Variants in FRMD5 observed in about 807,000 individuals in gnomAD.
FRMD5 encodes the protein FERM domain containing 5.
FRMD5 carries 20 observed loss-of-function variants against 69.0 expected under a neutral mutation model. That is an observed-to-expected ratio of 0.29 (90% CI 0.20 to 0.42). The LOEUF (loss-of-function observed/expected upper bound fraction) is 0.42. Among genes scored for constraint, FRMD5 ranks in the 10% least tolerant of loss-of-function variants. The pLI, the probability that FRMD5 is intolerant of heterozygous loss-of-function variation, is 1.00. For missense variants in FRMD5, 595 were observed against 708.6 expected (o/e 0.84, Z 1.82); for synonymous variants, 271 against 260.1 (o/e 1.04, Z -0.40).
intron 1 of FRMD5, among the ~76,000 whole-genome samples, chr15:43,981,246 C>A (rs1156840230): frequency 1.3e-5 from 2 of 152,302 alleles, no homozygotes; most frequent in East Asian, 1.9e-4. Context: ...AGGCGTGAAC[C>A]ACCTCACCTT....
intron 1 of FRMD5, among the ~76,000 whole-genome samples, chr15:44,131,404 AT>A (rs201826668): frequency 6.8e-6 from 1 of 146,720 alleles, no homozygotes; most frequent in Non-Finnish European, 1.5e-5. Context: ...TAAAAAAAAA[AT>A]CAAAATATAA....
At chr15:43,982,788 T>C (rs544370654) in intron 1 of FRMD5, among the ~76,000 whole-genome samples, 1 of 152,198 alleles carries the variant, frequency 6.6e-6, no homozygotes, top group Non-Finnish European at 1.5e-5. Flanking sequence ...AGACCTCTGA[T>C]ATGGTTTCCA....
Position 43,873,837 on chromosome 15 carries a change from C to G in FRMD5, c.*48G>C, listed in dbSNP as rs150478495. The G allele has an allele frequency of 6.2e-7, 1 of 1,600,706 alleles. No homozygotes were observed. Among genetic ancestry groups the G allele is most frequent in the African/African-American group, 1.3e-5 (1 of 74,644 alleles). On this transcript the variant is annotated 3_prime_UTR_variant, in exon 14 of 14. Coordinates refer to ENST00000417257, the MANE Select transcript of FRMD5 (RefSeq NM_032892.5). Reference sequence around the variant, plus strand: ...GGTCCCATTGCTGGGAATGGGTAGCCGGGTTCCTTGGTCCACCTGGCTAGT... The same window carrying G: ...GGTCCCATTGCTGGGAATGGGTAGCGGGGTTCCTTGGTCCACCTGGCTAGT...
At chr15:44,139,220 A>C (rs765937044) in intron 1 of FRMD5, among the ~76,000 whole-genome samples, 30 of 152,090 alleles carry the variant, frequency 2.0e-4, no homozygotes, top group Admixed American at 1.8e-3. Context: ...AGAAATTTTT[A>C]TAATTATTTA....
In FRMD5 at chr15:43,873,550, T is replaced by A. The variant is rs2088222691; in HGVS notation, c.*335A>T. On this transcript the variant is annotated 3_prime_UTR_variant, in exon 14 of 14. Coordinates refer to ENST00000417257, the MANE Select transcript of FRMD5 (RefSeq NM_032892.5). ...TAATCAGTAATAGTAAAATAAATTA[T>A]TTTTATTTGATACTTCAAAATAATA... The A allele has an allele frequency of 7.2e-7, 1 of 1,385,006 alleles. No homozygotes were observed. 85.8% of individuals were successfully genotyped at this position (1,385,006 alleles called of 1,614,324 possible). A position where few individuals can be genotyped will look rare whatever the true frequency, so the allele number is the denominator to read the frequency against.
Position 43,888,891 on chromosome 15 carries a change from T to G in FRMD5, c.729-19A>C, listed in dbSNP as rs1278731904. On this transcript the variant is annotated intron_variant, in intron 8 of 13. Coordinates refer to ENST00000417257, the MANE Select transcript of FRMD5 (RefSeq NM_032892.5). ...CTCATTCCTAGAAGCACAAAGATAG[T>G]GCCTGTCACCTCATTGTGGGCTGCT... is the stretch of plus-strand genomic sequence containing the variant. 6.2e-7 allele frequency: 1 copy of G among 1,610,148 alleles called. No individual in the cohort carries two copies. Among genetic ancestry groups the G allele is most frequent in the South Asian group, 1.1e-5 (1 of 90,984 alleles).
intron 1 of FRMD5, among the ~76,000 whole-genome samples, chr15:43,975,717 A>G (rs2090452071): frequency 6.6e-6 from 1 of 152,244 alleles, no homozygotes; most frequent in Admixed American, 6.5e-5. Flanking sequence ...TATAGAGTCA[A>G]TGCAATCTCA....
chr15:44,053,741 TGA>T (rs1892759980), intron 1 of FRMD5, among the ~76,000 whole-genome samples: 1 of 152,200 alleles, frequency 6.6e-6, no homozygotes, highest in Non-Finnish European at 1.5e-5. Flanking sequence ...CAGTTCATTC[TGA>T]GATATCCAAA....
At chr15:43,972,892 C>T (rs1467160291) in intron 1 of FRMD5, among the ~76,000 whole-genome samples, 3 of 152,244 alleles carry the variant, frequency 2.0e-5, no homozygotes, top group African/African-American at 7.2e-5. Context: ...TACATGATTG[C>T]TTTTCAGATA....
At chr15:44,041,030 A>C in intron 1 of FRMD5, among the ~76,000 whole-genome samples, 1 of 80,822 alleles carries the variant, frequency 1.2e-5, no homozygotes. Flanking sequence ...AAAAAAAAAA[A>C]AAAGCAGGGG....
At chr15:44,109,641 C>G (rs2076769570) in intron 1 of FRMD5, among the ~76,000 whole-genome samples, 1 of 151,960 alleles carries the variant, frequency 6.6e-6, no homozygotes, top group Non-Finnish European at 1.5e-5. Flanking sequence ...GATTATGAAC[C>G]TACATTGACA....
At chr15:44,146,361 T>C (rs1226586610) in intron 1 of FRMD5, among the ~76,000 whole-genome samples, 1 of 152,238 alleles carries the variant, frequency 6.6e-6, no homozygotes, top group African/African-American at 2.4e-5. Context: ...TAGTATTCCA[T>C]GATGTCTATG....
At chr15:43,886,502 T>C (rs926691269) in intron 10 of FRMD5, among the ~76,000 whole-genome samples, 26 of 152,188 alleles carry the variant, frequency 1.7e-4, no homozygotes, top group African/African-American at 6.0e-4. Flanking sequence ...ACTGAGCCCA[T>C]TAGCTCTCTC....
At chr15:43,957,805 T>C (rs533361161) in intron 1 of FRMD5, among the ~76,000 whole-genome samples, 7 of 152,242 alleles carry the variant, frequency 4.6e-5, no homozygotes, top group Non-Finnish European at 8.8e-5. Context: ...TCTGCTTTTA[T>C]TCTTAATCAT....
chr15:44,049,475 T>C (rs761822411), intron 1 of FRMD5, among the ~76,000 whole-genome samples: 1 of 152,216 alleles, frequency 6.6e-6, no homozygotes, highest in African/African-American at 2.4e-5. Context: ...AAAGTCACTA[T>C]AAAAAGCCTT....
intron 1 of FRMD5, among the ~76,000 whole-genome samples, chr15:44,032,019 A>G (rs1441513091): frequency 6.6e-6 from 1 of 152,014 alleles, no homozygotes; most frequent in Non-Finnish European, 1.5e-5. Flanking sequence ...GACCAATGGA[A>G]CAGAATAGAG....
At chr15:44,109,158 ATTT>A (rs1052732669) in intron 1 of FRMD5, among the ~76,000 whole-genome samples, 14 of 151,980 alleles carry the variant, frequency 9.2e-5, no homozygotes, top group African/African-American at 3.1e-4. Flanking sequence ...TCCTTGAATA[ATTT>A]TTTAATTTCT....
chr15:43,897,272 G>C (rs1324662251), intron 7 of FRMD5, among the ~76,000 whole-genome samples: 1 of 151,980 alleles, frequency 6.6e-6, no homozygotes, highest in Non-Finnish European at 1.5e-5. Context: ...CAGATCACCT[G>C]AGGTCAGGAG....
intron 1 of FRMD5, among the ~76,000 whole-genome samples, chr15:44,158,818 G>A (rs2140492809): frequency 6.6e-6 from 1 of 152,302 alleles, no homozygotes; most frequent in Non-Finnish European, 1.5e-5. Flanking sequence ...CAGGCATAGT[G>A]CTAGAAGCTA....
Sources: gnomAD v4.1 joint callset for allele counts (sites outside exome capture counted in the v4.1 genomes callset) on GRCh38, gnomAD v4.1.1 for gene constraint, MANE v1.5 for transcripts, NCBI Gene and HGNC (gene_info 2026-07-23, HGNC 2026-07-21) for gene names.